P2RY14: variants seen among roughly 807,000 people sequenced by gnomAD.
P2RY14 encodes purinergic receptor P2Y14.
In P2RY14, 2 loss-of-function variants were observed where a neutral mutation model predicts 0.9. That is an observed-to-expected ratio of 2.16 (90% CI 0.88 to 6.79). The LOEUF (loss-of-function observed/expected upper bound fraction) is 6.79. Ranked by LOEUF, P2RY14 falls within the 30% of genes most tolerant of loss-of-function variation. The pLI is 0.05. For synonymous variants in P2RY14, 158 were observed against 147.2 expected (o/e 1.07, Z -0.53); for missense variants, 378 against 400.1 (o/e 0.94, Z 0.47).
intron 2 of P2RY14, 136 bp from the exon 3 acceptor site, chr3:151,214,476 T>TA: frequency 1.7e-6 from 1 of 580,974 alleles, no homozygotes; most frequent in East Asian, 2.8e-5. Flanking sequence ...CTGTGTAAGT[T>TA]AGACACTCAT....
intron 2 of P2RY14, among the ~76,000 whole-genome samples, chr3:151,214,816 G>A (rs1727879097): frequency 6.6e-6 from 1 of 152,062 alleles, no homozygotes; most frequent in South Asian, 2.1e-4. Flanking sequence ...ATCTTAAAAG[G>A]TAGTAACTGT....
intron 1 of P2RY14, among the ~76,000 whole-genome samples, chr3:151,239,664 G>A (rs1733677607): frequency 6.6e-6 from 1 of 152,064 alleles, no homozygotes; most frequent in African/African-American, 2.4e-5. Flanking sequence ...AGCTCTTTGA[G>A]GTCCTCAGTA....
intron 1 of P2RY14, among the ~76,000 whole-genome samples, chr3:151,276,627 G>A (rs1348941576): frequency 6.6e-6 from 1 of 152,182 alleles, no homozygotes; most frequent in East Asian, 1.9e-4. Context: ...CTTAGGCTTA[G>A]GGAAGCCTCA....
intron 1 of P2RY14, among the ~76,000 whole-genome samples, chr3:151,240,630 T>C (rs1187904901): frequency 2.0e-5 from 3 of 152,122 alleles, no homozygotes; most frequent in Non-Finnish European, 4.4e-5. Context: ...ATCTCCTTTA[T>C]CTACCATGCA....
Position 151,213,270 on chromosome 3 carries a change from C to T in P2RY14, c.*30G>A, listed in dbSNP as rs772387853. On this transcript the variant is annotated 3_prime_UTR_variant, in exon 3 of 3. Coordinates refer to ENST00000309170, the MANE Select transcript of P2RY14 (RefSeq NM_014879.4). Reference sequence around the variant, plus strand: ...GTAATTGAAGATGACAACATGCACACGTGGTCTTTCTTTGGAAGAGGGTAG... The same window carrying T: ...GTAATTGAAGATGACAACATGCACATGTGGTCTTTCTTTGGAAGAGGGTAG... The T allele has an allele frequency of 2.6e-6, 4 of 1,519,330 alleles. No homozygotes were observed. The highest frequency in any genetic ancestry group is 3.6e-6 in the Non-Finnish European group (4 of 1,122,940). 94.1% of individuals were successfully genotyped at this position (1,519,330 alleles called of 1,614,324 possible).
Position 151,213,245 on chromosome 3 carries a change from G to A in P2RY14, c.*55C>T. ...CACATATCTTATTGATTTCTGTTATGTAATTGAAGATGACAACATGCACAC... is the reference window on the plus strand; with the variant it reads ...CACATATCTTATTGATTTCTGTTATATAATTGAAGATGACAACATGCACAC... On this transcript the variant is annotated 3_prime_UTR_variant, in exon 3 of 3. Coordinates refer to ENST00000309170, the MANE Select transcript of P2RY14 (RefSeq NM_014879.4). 2 of 1,308,654 alleles carry A rather than the reference G, an allele frequency of 1.5e-6. No homozygotes were observed. The highest frequency in any genetic ancestry group is 2.1e-6 in the Non-Finnish European group (2 of 942,542). 81.1% of individuals were successfully genotyped at this position (1,308,654 alleles called of 1,614,324 possible).
At chr3:151,245,106 C>T (rs553455345) in intron 1 of P2RY14, among the ~76,000 whole-genome samples, 267 of 152,320 alleles carry the variant, frequency 1.8e-3, no homozygotes, top group Non-Finnish European at 2.0e-3. Context: ...ATAACAGCAT[C>T]TGAAATTGTG....
intron 1 of P2RY14, among the ~76,000 whole-genome samples, chr3:151,239,518 A>G (rs1733644864): frequency 6.6e-6 from 1 of 152,236 alleles, no homozygotes; most frequent in South Asian, 2.1e-4. Context: ...ATGTAGAATA[A>G]CATGACTTGT....
At chr3:151,272,933 A>T (rs928192073) in intron 1 of P2RY14, among the ~76,000 whole-genome samples, 11 of 152,218 alleles carry the variant, frequency 7.2e-5, no homozygotes, top group Non-Finnish European at 1.3e-4. Context: ...CCCTAATCCC[A>T]AAATCTGAAG....
chr3:151,237,266 C>A (rs1320172695), intron 1 of P2RY14, among the ~76,000 whole-genome samples: 1 of 150,550 alleles, frequency 6.6e-6, no homozygotes, highest in South Asian at 2.1e-4. Context: ...TCTTGAACAC[C>A]TGACCTTGTG....
At chr3:151,261,945 T>C (rs533173246) in intron 1 of P2RY14, among the ~76,000 whole-genome samples, 9 of 152,268 alleles carry the variant, frequency 5.9e-5, no homozygotes, top group Non-Finnish European at 1.0e-4. Context: ...CAGGCTGGTC[T>C]TGAACTCCTG....
chr3:151,236,796 A>T (rs933512559), intron 1 of P2RY14, among the ~76,000 whole-genome samples: 2 of 152,204 alleles, frequency 1.3e-5, no homozygotes, highest in Non-Finnish European at 2.9e-5. Context: ...CATCCATGTT[A>T]TTAAGTATTG....
At chr3:151,233,687 C>A (rs927991346) in intron 1 of P2RY14, among the ~76,000 whole-genome samples, 1 of 152,170 alleles carries the variant, frequency 6.6e-6, no homozygotes, top group Non-Finnish European at 1.5e-5. Context: ...GAGCCGAGAT[C>A]GTGCCATTGC....
chr3:151,228,487 G>A (rs1195038070), intron 1 of P2RY14, among the ~76,000 whole-genome samples: 5 of 152,064 alleles, frequency 3.3e-5, no homozygotes, highest in Non-Finnish European at 7.4e-5. Flanking sequence ...TTAAGTTGAC[G>A]CTCTTCTACA....
At chr3:151,240,856 G>A (rs560774258) in intron 1 of P2RY14, among the ~76,000 whole-genome samples, 2 of 152,346 alleles carry the variant, frequency 1.3e-5, no homozygotes, top group African/African-American at 4.8e-5. Flanking sequence ...TAGTGGATTT[G>A]AAGCCAGATG....
chr3:151,246,115 A>T (rs1735397301), intron 1 of P2RY14, among the ~76,000 whole-genome samples: 1 of 152,100 alleles, frequency 6.6e-6, no homozygotes, highest in Non-Finnish European at 1.5e-5. Flanking sequence ...TCAAGGAAAT[A>T]AAAGAGGATA....
intron 1 of P2RY14, among the ~76,000 whole-genome samples, chr3:151,265,247 C>G (rs1403439109): frequency 6.6e-6 from 1 of 152,164 alleles, no homozygotes; most frequent in Non-Finnish European, 1.5e-5. Flanking sequence ...GTACGATGCT[C>G]TATTCTGAGA....
chr3:151,228,950 G>A (rs1731069922), intron 1 of P2RY14, among the ~76,000 whole-genome samples: 1 of 152,134 alleles, frequency 6.6e-6, no homozygotes, highest in Non-Finnish European at 1.5e-5. Context: ...GCATTTCTCA[G>A]GCAAGCAGTA....
At chr3:151,247,484 T>C (rs1305288991) in intron 1 of P2RY14, among the ~76,000 whole-genome samples, 3 of 151,268 alleles carry the variant, frequency 2.0e-5, no homozygotes, top group African/African-American at 4.8e-5. Flanking sequence ...AAATTGGAAA[T>C]CATCATTCTC....
Sources: allele counts gnomAD v4.1 joint callset (sites outside exome capture counted in the v4.1 genomes callset), GRCh38; gene constraint gnomAD v4.1.1; transcripts MANE v1.5; gene names NCBI Gene and HGNC (gene_info 2026-07-23, HGNC 2026-07-21).